Variants in MAGI3 observed in about 807,000 individuals in gnomAD.
The protein encoded by MAGI3 is membrane associated guanylate kinase, WW and PDZ domain containing 3.
In MAGI3, 43 loss-of-function variants were observed where a neutral mutation model predicts 121.8. The observed-to-expected ratio is 0.35, with a 90% CI of 0.28 to 0.46. The LOEUF is 0.46. MAGI3 is among the 20% of genes least tolerant of loss of function. MAGI3 has a pLI of 1.00. For synonymous variants in MAGI3, 553 were observed against 639.3 expected (o/e 0.86, Z 2.04); for missense variants, 1,547 against 1,797.3 (o/e 0.86, Z 2.52).
At chr1:113,519,417 A>G (rs1478530047) in intron 1 of MAGI3, among the ~76,000 whole-genome samples, 1 of 152,150 alleles carries the variant, frequency 6.6e-6, no homozygotes, top group Admixed American at 6.5e-5. Context: ...TTTTGATATG[A>G]CTTTTTATGG....
chr1:113,458,052 C>G (rs547373990), intron 1 of MAGI3, among the ~76,000 whole-genome samples: 1 of 152,126 alleles, frequency 6.6e-6, no homozygotes, highest in Admixed American at 6.5e-5. Flanking sequence ...ACTTGTGGGC[C>G]ATAAGAAGGA....
chr1:113,644,387 T>C (rs1652718072), intron 11 of MAGI3, among the ~76,000 whole-genome samples: 1 of 152,186 alleles, frequency 6.6e-6, no homozygotes, highest in Non-Finnish European at 1.5e-5. Flanking sequence ...TTCAAGCGAT[T>C]CTCCTGCCTC....
chr1:113,605,976 C>CT (rs34615761), intron 6 of MAGI3, among the ~76,000 whole-genome samples: 58,737 of 150,872 alleles, frequency 0.39, 13,164 homozygotes, highest in African/African-American at 0.61. Flanking sequence ...AATTATTATT[C>CT]TTTTTTTGAG....
chr1:113,454,143 T>C (rs1233669456), intron 1 of MAGI3, among the ~76,000 whole-genome samples: 2 of 152,212 alleles, frequency 1.3e-5, no homozygotes, highest in Non-Finnish European at 2.9e-5. Context: ...TTTATGTAGA[T>C]GAAATTCAAA....
At chr1:113,604,482 G>T (rs1000231379) in intron 6 of MAGI3, among the ~76,000 whole-genome samples, 1 of 141,390 alleles carries the variant, frequency 7.1e-6, no homozygotes, top group Non-Finnish European at 1.5e-5. Context: ...CAGGAGAATC[G>T]CTTGAATCCA....
At position 113,633,238 on chromosome 1, in the gene MAGI3, A is replaced by ATTT. The variant is rs71090716; in HGVS notation, c.1361-8634_1361-8632dup. On this transcript the variant is annotated intron_variant, in intron 9 of 20. Transcript: ENST00000307546. ...TCCCTACAAAGGACATGAACTCATCATTTTTTTTTTTTTTTTTTTTTTTTT... is the reference window on the plus strand; with the variant it reads ...TCCCTACAAAGGACATGAACTCATCATTTTTTTTTTTTTTTTTTTTTTTTTTTT... Among the ~76,000 whole-genome samples, 147 of 56,672 alleles carry ATTT rather than the reference A, an allele frequency of 2.6e-3. 51 individuals carry two copies. Among genetic ancestry groups the ATTT allele is most frequent in the East Asian group, 5.8e-3 (9 of 1,546 alleles). The allele number at this position is 56,672 out of a possible 152,430, so 37.2% of individuals were successfully genotyped here.
chr1:113,516,096 G>A (rs575148275), intron 1 of MAGI3, among the ~76,000 whole-genome samples: 74 of 152,084 alleles, frequency 4.9e-4, no homozygotes, highest in African/African-American at 1.7e-3. Context: ...TCCAACAGAA[G>A]AGTGAACTCA....
chr1:113,520,257 T>C (rs910641098), intron 1 of MAGI3, among the ~76,000 whole-genome samples: 1 of 152,032 alleles, frequency 6.6e-6, no homozygotes, highest in Non-Finnish European at 1.5e-5. Context: ...TTTTTTTTTT[T>C]AGTTCTTCCT....
chr1:113,401,789 A>G (rs1651420897), intron 1 of MAGI3, among the ~76,000 whole-genome samples: 2 of 152,182 alleles, frequency 1.3e-5, no homozygotes, highest in African/African-American at 4.8e-5. Context: ...CTTTGCTTGA[A>G]TAAAATTTAG....
rs1466330962 is a variant in MAGI3, at chr1:113,458,074, T to G, written c.316+66725T>G. On this transcript the variant is annotated intron_variant, in intron 1 of 20. Coordinates refer to ENST00000307546, the MANE Select transcript of MAGI3 (RefSeq NM_001142782.2). ...GGCCATAAGAAGGAGTTTGGATTTT[T>G]GGAAATGTGTTGGAAAACCTTTAGA... 2.6e-5 allele frequency among the ~76,000 whole-genome samples: 4 copies of G among 152,258 alleles called. No individual in the cohort carries two copies. In the East Asian group the frequency reaches 5.8e-4, roughly 22 times the overall value.
intron 15 of MAGI3, among the ~76,000 whole-genome samples, chr1:113,656,266 G>C (rs1653463394): frequency 6.6e-6 from 1 of 152,142 alleles, no homozygotes; most frequent in African/African-American, 2.4e-5. Flanking sequence ...GACAGAAAAA[G>C]GGTCCTGGGG....
chr1:113,551,484 A>C (rs1659786252), intron 2 of MAGI3, among the ~76,000 whole-genome samples: 1 of 152,208 alleles, frequency 6.6e-6, no homozygotes, highest in African/African-American at 2.4e-5. Context: ...CATCGCATAA[A>C]ATATTTTTTG....
At chr1:113,652,665 A>G (rs565958228) in intron 14 of MAGI3, among the ~76,000 whole-genome samples, 29 of 152,342 alleles carry the variant, frequency 1.9e-4, no homozygotes, top group Admixed American at 3.9e-4. Context: ...TTTTGAAAAA[A>G]AAAAAGAAAA....
intron 1 of MAGI3, among the ~76,000 whole-genome samples, chr1:113,477,810 C>A (rs976015830): frequency 1.3e-5 from 2 of 152,176 alleles, no homozygotes; most frequent in Non-Finnish European, 2.9e-5. Flanking sequence ...TGGATAATAT[C>A]CTGAAGAGTG....
chr1:113,433,959 A>G (rs969386532), intron 1 of MAGI3, among the ~76,000 whole-genome samples: 36 of 151,996 alleles, frequency 2.4e-4, no homozygotes, highest in African/African-American at 8.5e-4. Flanking sequence ...TCTTTCCTGG[A>G]TGTGATTTTT....
chr1:113,601,114 AC>A (rs1649348014), intron 6 of MAGI3, among the ~76,000 whole-genome samples: 1 of 152,032 alleles, frequency 6.6e-6, no homozygotes, highest in Admixed American at 6.6e-5. Flanking sequence ...AACCATAAAA[AC>A]CCTAGAAGAA....
intron 1 of MAGI3, among the ~76,000 whole-genome samples, chr1:113,490,973 G>A (rs1656641735): frequency 6.6e-6 from 1 of 152,042 alleles, no homozygotes; most frequent in Non-Finnish European, 1.5e-5. Flanking sequence ...AGATAATTGA[G>A]CCAGAAAATT....
chr1:113,563,253 T>G lies in MAGI3; in HGVS notation c.433+13622T>G, dbSNP rs1345712346. Among the ~76,000 whole-genome samples the G allele has an allele frequency of 5.9e-5, 9 of 152,304 alleles. No homozygotes were observed. In the East Asian group the frequency reaches 1.5e-3, roughly 26 times the overall value. ...GAAAAGTTATTTGGCAAAATTCAAC[T>G]CCCATTTATGACAGAATCTGTCAGA... On this transcript the variant is annotated intron_variant, in intron 2 of 20. Transcript: ENST00000307546.
chr1:113,646,579 G>A lies in MAGI3; in HGVS notation c.2092G>A (p.Gly698Arg), dbSNP rs1170440264. ...TTTTCCACCGAGCATTATCAGGTCA[G>A]GATCCCCAAAATTGGATCCTTCTGA... is the stretch of plus-strand genomic sequence containing the variant. ...MPFPPSIIRS[G>R]SPKLDPSEVY... The change falls in exon 12 of 21, where the codon GGA becomes AGA. Residue 698 changes from glycine (G) to arginine (R), a missense_variant. Coordinates refer to ENST00000307546, the MANE Select transcript of MAGI3 (RefSeq NM_001142782.2). 1 of 1,613,246 alleles carries A rather than the reference G, an allele frequency of 6.2e-7. No homozygotes were observed.
Sources: gnomAD v4.1 joint callset for allele counts (sites outside exome capture counted in the v4.1 genomes callset) on GRCh38, gnomAD v4.1.1 for gene constraint, MANE v1.5 for transcripts, NCBI Gene and HGNC (gene_info 2026-07-23, HGNC 2026-07-21) for gene names.